The following PPP2R2B variants were observed in gnomAD, a reference collection of about 807,000 sequenced individuals.
The protein encoded by PPP2R2B is serine/threonine-protein phosphatase 2A 55 kDa regulatory subunit B beta isoform.
Under a neutral mutation model 46.0 loss-of-function variants are expected in PPP2R2B, and 5 were observed. The observed-to-expected ratio is 0.11, with a 90% CI of 0.06 to 0.23. The LOEUF is 0.23. Ranked by LOEUF, PPP2R2B falls within the 10% of genes least tolerant of loss-of-function variation. The pLI, the probability that PPP2R2B is intolerant of heterozygous loss-of-function variation, is 1.00. For synonymous variants in PPP2R2B, 215 were observed against 206.7 expected (o/e 1.04, Z -0.34); for missense variants, 367 against 575.0 (o/e 0.64, Z 3.70).
rs557383042 is a variant in PPP2R2B at position 147,036,416 on chromosome 5, C to T, written c.79+19249G>A. ...ACATTTTCTTTATCCAGTCTATCAT[C>T]GATGGGCACTTAGGTTGACTCCATG... On this transcript the variant is annotated intron_variant, in intron 1 of 8. Transcript: ENST00000336640. Among the ~76,000 whole-genome samples, 39 of 152,224 alleles carry T rather than the reference C, an allele frequency of 2.6e-4. 2 individuals are homozygous for T. Among genetic ancestry groups the T allele is most frequent in the African/African-American group, 8.4e-4 (35 of 41,532 alleles).
chr5:146,618,643 T>G (rs1226495152), intron 7 of PPP2R2B, among the ~76,000 whole-genome samples: 5 of 152,186 alleles, frequency 3.3e-5, no homozygotes, highest in African/African-American at 4.8e-5. Context: ...GCTGCCCCTA[T>G]ACAGCTGGAC....
intron 2 of PPP2R2B, among the ~76,000 whole-genome samples, chr5:146,714,393 T>C (rs930950802): frequency 6.6e-6 from 1 of 151,780 alleles, no homozygotes; most frequent in East Asian, 1.9e-4. Context: ...CCTTGAAGAG[T>C]AGCAAAGAAA....
At chr5:146,796,150 T>C (rs1181634151) in intron 2 of PPP2R2B, among the ~76,000 whole-genome samples, 1 of 152,164 alleles carries the variant, frequency 6.6e-6, no homozygotes, top group Non-Finnish European at 1.5e-5. Flanking sequence ...ATTGCAATGA[T>C]ATGACATCTG....
intron 8 of PPP2R2B, among the ~76,000 whole-genome samples, chr5:146,594,867 G>T (rs1771014140): frequency 6.6e-6 from 1 of 152,160 alleles, no homozygotes; most frequent in South Asian, 2.1e-4. Context: ...CAAGGGCATT[G>T]GTGTTTAAGT....
intron 1 of PPP2R2B, among the ~76,000 whole-genome samples, chr5:146,941,292 A>G (rs1025508513): frequency 6.6e-6 from 1 of 152,164 alleles, no homozygotes; most frequent in Admixed American, 6.5e-5. Flanking sequence ...TTCGATACTG[A>G]AAAAATACCA....
chr5:147,021,319 A>G (rs149955363), intron 1 of PPP2R2B, among the ~76,000 whole-genome samples: 48 of 152,304 alleles, frequency 3.2e-4, no homozygotes, highest in Non-Finnish European at 6.2e-4. Flanking sequence ...GAGGAGACAG[A>G]GATGATTTCA....
intron 1 of PPP2R2B, among the ~76,000 whole-genome samples, chr5:147,012,658 T>C (rs1754797806): frequency 6.6e-6 from 1 of 151,770 alleles, no homozygotes; most frequent in African/African-American, 2.4e-5. Flanking sequence ...TCTAGTTCTT[T>C]TAATTGTGAT....
At chr5:146,956,768 C>T (rs949863342) in intron 1 of PPP2R2B, among the ~76,000 whole-genome samples, 13 of 152,132 alleles carry the variant, frequency 8.5e-5, no homozygotes, top group Admixed American at 2.0e-4. Context: ...AGTCCAAGAT[C>T]AAGGGGCCAG....
At chr5:147,033,775 G>A (rs1175391578) in intron 1 of PPP2R2B, among the ~76,000 whole-genome samples, 1 of 151,822 alleles carries the variant, frequency 6.6e-6, no homozygotes, top group Non-Finnish European at 1.5e-5. Flanking sequence ...CAAAATAATT[G>A]ATCCAATATC....
intron 1 of PPP2R2B, among the ~76,000 whole-genome samples, chr5:147,002,806 G>A (rs1754241504): frequency 6.6e-6 from 1 of 152,102 alleles, no homozygotes; most frequent in Admixed American, 6.5e-5. Flanking sequence ...GATCAGCAGG[G>A]TCCAGGGATC....
intron 2 of PPP2R2B, among the ~76,000 whole-genome samples, chr5:146,753,355 G>C (rs748701091): frequency 4.0e-5 from 6 of 149,578 alleles, no homozygotes; most frequent in Admixed American, 6.6e-5. Context: ...CCCACACACA[G>C]AGAATAGACA....
intron 2 of PPP2R2B, among the ~76,000 whole-genome samples, chr5:146,708,407 ATG>A (rs148698250): frequency 0.23 from 31,160 of 138,330 alleles, 3,303 homozygotes; most frequent in South Asian, 0.33. Context: ...GTGTGTGTGT[ATG>A]TGTGTGTGTG....
rs1265065991 is a variant in PPP2R2B, at chr5:146,584,872, T to C, written c.*5075A>G. ...TCCATGCCATATGGATTTTGCTTCATATTCTGGTATATGTTGGTCTACCTA... is the reference window on the plus strand; with the variant it reads ...TCCATGCCATATGGATTTTGCTTCACATTCTGGTATATGTTGGTCTACCTA... On this transcript the variant is annotated 3_prime_UTR_variant, in exon 10 of 10. Coordinates refer to ENST00000394411, the MANE Select transcript of PPP2R2B (RefSeq NM_181675.4). The C allele has an allele frequency of 1.3e-5, 2 of 152,206 alleles. No homozygotes were observed. Among genetic ancestry groups the C allele is most frequent in the Non-Finnish European group, 2.9e-5 (2 of 68,030 alleles). The allele number at this position is 152,206 out of a possible 1,614,324, so 9.4% of individuals were successfully genotyped here.
At chr5:146,855,150 G>C (rs1314023760) in intron 2 of PPP2R2B, among the ~76,000 whole-genome samples, 1 of 152,056 alleles carries the variant, frequency 6.6e-6, no homozygotes, top group East Asian at 1.9e-4. Flanking sequence ...TGCACTGAAA[G>C]TGTTACTTAG....
intron 1 of PPP2R2B, among the ~76,000 whole-genome samples, chr5:147,024,499 A>G (rs1447928297): frequency 6.6e-6 from 1 of 152,132 alleles, no homozygotes; most frequent in Non-Finnish European, 1.5e-5. Context: ...AACACAACAC[A>G]CAACACCTAA....
intron 2 of PPP2R2B, among the ~76,000 whole-genome samples, chr5:146,708,471 A>G (rs1331686853): frequency 6.6e-6 from 1 of 150,996 alleles, no homozygotes; most frequent in Non-Finnish European, 1.5e-5. Context: ...TCCAGTTCTA[A>G]AGGTTTTGAC....
intron 2 of PPP2R2B, among the ~76,000 whole-genome samples, chr5:146,742,861 C>T (rs1752958717): frequency 6.6e-6 from 1 of 152,078 alleles, no homozygotes; most frequent in African/African-American, 2.4e-5. Flanking sequence ...GAGAATAGCA[C>T]ATGAAGGCGA....
chr5:146,906,400 G>A lies in PPP2R2B; in HGVS notation c.79+149265C>T, dbSNP rs990979953. Among the ~76,000 whole-genome samples the A allele has an allele frequency of 4.6e-5, 7 of 151,982 alleles. No individual in the cohort carries two copies. In the South Asian group the frequency reaches 6.2e-4, roughly 14 times the overall value. ...TGCAATGGCGCGATCTCGGCTCACC[G>A]CAACCTCTGCCTCCTGGGTTCAAGT... On this transcript the variant is annotated intron_variant, in intron 1 of 8. Coordinates refer to the PPP2R2B transcript ENST00000336640.
At chr5:146,903,924 A>G (rs1191195808) in intron 1 of PPP2R2B, among the ~76,000 whole-genome samples, 1 of 152,214 alleles carries the variant, frequency 6.6e-6, no homozygotes, top group Non-Finnish European at 1.5e-5. Flanking sequence ...AAATGGTGCC[A>G]AATGATAGAT....
Sources: allele counts gnomAD v4.1 joint callset (sites outside exome capture counted in the v4.1 genomes callset), GRCh38; gene constraint gnomAD v4.1.1; transcripts MANE v1.5; gene names NCBI Gene and HGNC (gene_info 2026-07-23, HGNC 2026-07-21).